The following EXOC4 variants were observed in gnomAD, a reference collection of about 807,000 sequenced individuals.
EXOC4 encodes SEC8-like 1.
Under a neutral mutation model 107.2 loss-of-function variants are expected in EXOC4, and 71 were observed. The ratio of observed to expected loss-of-function variants is 0.66; its 90% CI spans 0.55 to 0.81. EXOC4 has a LOEUF of 0.81. EXOC4 is among the 30% of genes least tolerant of loss of function. The pLI, the probability that EXOC4 is intolerant of heterozygous loss-of-function variation, is 0.00. For synonymous variants in EXOC4, 456 were observed against 441.2 expected (o/e 1.03, Z -0.42); for missense variants, 1,108 against 1,189.6 (o/e 0.93, Z 1.01).
chr7:133,707,576 G>A (rs1038361701), intron 10 of EXOC4, among the ~76,000 whole-genome samples: 1 of 151,626 alleles, frequency 6.6e-6, no homozygotes, highest in African/African-American at 2.4e-5. Context: ...CACCTCCCAG[G>A]TGCTTATTTC....
the EXOC4 span, among the ~76,000 whole-genome samples, chr7:134,097,735 A>T: frequency 6.6e-6 from 1 of 152,180 alleles, no homozygotes; most frequent in Non-Finnish European, 1.5e-5. Context: ...ATTTATCCAT[A>T]AGACCCTTCT....
At chr7:133,254,072 T>G (rs1240571162) in intron 1 of EXOC4, 1 of 152,178 alleles carries the variant, frequency 6.6e-6, no homozygotes, top group African/African-American at 2.4e-5. Context: ...TCCCCACCTA[T>G]ACTAAACTTT....
chr7:133,303,176 T>A (rs1424450678), intron 3 of EXOC4, among the ~76,000 whole-genome samples: 1 of 152,220 alleles, frequency 6.6e-6, no homozygotes, highest in Non-Finnish European at 1.5e-5. Flanking sequence ...GGCTCATGCC[T>A]GTAATCCCAG....
At chr7:133,494,608 C>T (rs911117355) in intron 9 of EXOC4, among the ~76,000 whole-genome samples, 13 of 152,122 alleles carry the variant, frequency 8.5e-5, no homozygotes, top group African/African-American at 3.1e-4. Context: ...GAACTTTTTC[C>T]ATAAGAATTC....
intron 9 of EXOC4, among the ~76,000 whole-genome samples, chr7:133,483,875 T>C (rs1263799091): frequency 1.3e-5 from 2 of 152,174 alleles, no homozygotes; most frequent in East Asian, 3.8e-4. Context: ...AGGACCACAA[T>C]GAGATCTGCA....
chr7:133,370,354 C>G (rs1321821809), intron 6 of EXOC4, among the ~76,000 whole-genome samples: 2 of 151,842 alleles, frequency 1.3e-5, no homozygotes, highest in African/African-American at 4.8e-5. Context: ...GAGACATCAA[C>G]CAGTATGTGT....
At chr7:133,602,412 GGGTTGAGTTTCCCA>G (rs2150988069) in intron 9 of EXOC4, among the ~76,000 whole-genome samples, 1 of 152,270 alleles carries the variant, frequency 6.6e-6, no homozygotes, top group South Asian at 2.1e-4. Flanking sequence ...TGTCTGCTGA[GGGTTGAGTTTCCCA>G]GGTTGTTATT....
chr7:134,085,024 A>G, the EXOC4 span, among the ~76,000 whole-genome samples: 1 of 152,236 alleles, frequency 6.6e-6, no homozygotes. Flanking sequence ...TTGAACACTC[A>G]GCTGTATATG....
intron 10 of EXOC4, among the ~76,000 whole-genome samples, chr7:133,784,030 G>A (rs570427038): frequency 1.4e-4 from 21 of 152,148 alleles, no homozygotes; most frequent in South Asian, 4.1e-4. Flanking sequence ...GTTTAAAAAC[G>A]TCTGTTTTAA....
intron 9 of EXOC4, among the ~76,000 whole-genome samples, chr7:133,532,501 A>T (rs997423517): frequency 9.9e-5 from 15 of 152,168 alleles, no homozygotes; most frequent in African/African-American, 3.6e-4. Context: ...AGTGGTTTTT[A>T]TATATGGAGC....
intron 8 of EXOC4, chr7:133,478,772 A>T (rs933076808): frequency 7.3e-5 from 11 of 151,464 alleles, no homozygotes; most frequent in African/African-American, 2.4e-4. Flanking sequence ...GAGTTTATTT[A>T]TTTTTTTTCT....
chr7:134,083,567 A>T, the EXOC4 span, among the ~76,000 whole-genome samples: 1 of 152,196 alleles, frequency 6.6e-6, no homozygotes, highest in South Asian at 2.1e-4. Flanking sequence ...AACATCCAAG[A>T]TGGCTTCAGT....
chr7:134,069,310 T>TCCCTC, downstream of EXOC4, among the ~76,000 whole-genome samples: 1 of 130,116 alleles, frequency 7.7e-6, no homozygotes, highest in East Asian at 2.4e-4. Context: ...TCCTCCTCCT[T>TCCCTC]TCTTCCTTCT....
intron 10 of EXOC4, among the ~76,000 whole-genome samples, chr7:133,809,608 A>G (rs1011004633): frequency 3.3e-5 from 5 of 152,240 alleles, no homozygotes; most frequent in African/African-American, 1.2e-4. Flanking sequence ...CATAAAGGAT[A>G]AATCACGCGT....
At chr7:134,080,881 G>T in the EXOC4 span, among the ~76,000 whole-genome samples, 2 of 152,044 alleles carry the variant, frequency 1.3e-5, no homozygotes, top group Non-Finnish European at 2.9e-5. Context: ...AGAAGTTCGG[G>T]GTTGAATTGA....
chr7:133,414,317 C>T (rs1318860890), intron 7 of EXOC4, among the ~76,000 whole-genome samples: 3 of 152,132 alleles, frequency 2.0e-5, no homozygotes, highest in African/African-American at 7.2e-5. Context: ...CTTGATAACA[C>T]CAAGTGTTGG....
At chr7:133,689,285 C>T (rs563659700) in intron 10 of EXOC4, among the ~76,000 whole-genome samples, 36 of 151,862 alleles carry the variant, frequency 2.4e-4, no homozygotes, top group Non-Finnish European at 4.6e-4. Context: ...CAAACCAGCC[C>T]AACAGTGAGG....
At chr7:133,889,134 G>C (rs1413411863) in intron 11 of EXOC4, among the ~76,000 whole-genome samples, 1 of 151,986 alleles carries the variant, frequency 6.6e-6, no homozygotes, top group Non-Finnish European at 1.5e-5. Flanking sequence ...TTTTTTCTTT[G>C]TGCTGCCTGT....
chr7:133,635,051 ATATGT>A (rs1802676925), intron 10 of EXOC4, among the ~76,000 whole-genome samples: 1 of 152,118 alleles, frequency 6.6e-6, no homozygotes, highest in African/African-American at 2.4e-5. Context: ...CAGAAGGAAG[ATATGT>A]TAATGTTGGA....
Sources: gnomAD v4.1 joint callset for allele counts (sites outside exome capture counted in the v4.1 genomes callset) on GRCh38, gnomAD v4.1.1 for gene constraint, MANE v1.5 for transcripts, NCBI Gene and HGNC (gene_info 2026-07-23, HGNC 2026-07-21) for gene names.